Variants in DLG2 observed in about 807,000 individuals in gnomAD.
DLG2 encodes discs large MAGUK scaffold protein 2.
In DLG2, 45 loss-of-function variants were observed where a neutral mutation model predicts 132.5. The ratio of observed to expected loss-of-function variants is 0.34; its 90% confidence interval spans 0.27 to 0.44. The LOEUF is 0.44. DLG2 is among the 20% of genes least tolerant of loss of function. The probability of loss-of-function intolerance (pLI) is 1.00; values close to 1 mark genes in which losing one functional copy is unlikely to be tolerated. For missense variants in DLG2, 1,045 were observed against 1,196.9 expected (o/e 0.87, Z 1.87); for synonymous variants, 424 against 419.6 (o/e 1.01, Z -0.13).
chr11:83,873,606 C>T (rs2063915853), intron 16 of DLG2, among the ~76,000 whole-genome samples: 2 of 152,346 alleles, frequency 1.3e-5, no homozygotes, highest in South Asian at 4.1e-4. Flanking sequence ...TTGTTAATTG[C>T]TCAGGCTCAG....
chr11:85,064,951 A>T (rs2064684238), intron 6 of DLG2, among the ~76,000 whole-genome samples: 1 of 151,526 alleles, frequency 6.6e-6, no homozygotes, highest in Non-Finnish European at 1.5e-5. Context: ...AAGGTGAAAA[A>T]TATTTTTATG....
intron 15 of DLG2, among the ~76,000 whole-genome samples, chr11:83,925,276 C>T (rs958234685): frequency 1.3e-5 from 2 of 152,140 alleles, no homozygotes; most frequent in Non-Finnish European, 1.5e-5. Flanking sequence ...TGCTTTGCTT[C>T]TGTGTACAGG....
intron 6 of DLG2, among the ~76,000 whole-genome samples, chr11:84,734,111 G>T (rs1021242014): frequency 2.3e-4 from 35 of 152,126 alleles, no homozygotes; most frequent in Non-Finnish European, 4.4e-5. Context: ...GGATTGATTT[G>T]GCAATGCGGG....
intron 10 of DLG2, among the ~76,000 whole-genome samples, chr11:84,061,507 G>C (rs997927060): frequency 5.3e-5 from 8 of 152,120 alleles, no homozygotes; most frequent in Admixed American, 5.2e-4. Flanking sequence ...GCAGAGATTG[G>C]ATTTGATTTC....
At chr11:85,035,695 A>G (rs1593042290) in intron 6 of DLG2, among the ~76,000 whole-genome samples, 4 of 152,314 alleles carry the variant, frequency 2.6e-5, no homozygotes, top group Middle Eastern at 3.4e-3. Context: ...TACTATCTTT[A>G]GTAATTTACA....
At chr11:83,894,956 T>C (rs953779755) in intron 15 of DLG2, among the ~76,000 whole-genome samples, 5 of 149,636 alleles carry the variant, frequency 3.3e-5, no homozygotes, top group Non-Finnish European at 6.0e-5. Context: ...TCCATGTTGT[T>C]GCAAATGACA....
intron 18 of DLG2, among the ~76,000 whole-genome samples, chr11:83,698,484 A>G (rs1462808176): frequency 6.6e-6 from 1 of 152,210 alleles, no homozygotes; most frequent in Non-Finnish European, 1.5e-5. Context: ...GACATTTGGT[A>G]TCATGGGTTT....
intron 19 of DLG2, among the ~76,000 whole-genome samples, chr11:83,569,615 G>A (rs972847136): frequency 7.9e-5 from 12 of 152,174 alleles, no homozygotes; most frequent in Admixed American, 6.6e-5. Context: ...ATTGTTCCAG[G>A]ATATGATGCC....
chr11:84,657,423 T>C (rs1460051959), intron 6 of DLG2, among the ~76,000 whole-genome samples: 7 of 152,126 alleles, frequency 4.6e-5, no homozygotes, highest in African/African-American at 4.8e-5. Flanking sequence ...TAGAACATTC[T>C]TTTTATGAGA....
At chr11:83,795,193 C>G (rs2042480616) in intron 17 of DLG2, among the ~76,000 whole-genome samples, 1 of 152,012 alleles carries the variant, frequency 6.6e-6, no homozygotes, top group African/African-American at 2.4e-5. Context: ...ATCATAAGGT[C>G]AGGAGATTGA....
chr11:84,735,076 C>T (rs996070038), intron 6 of DLG2, among the ~76,000 whole-genome samples: 2 of 152,112 alleles, frequency 1.3e-5, no homozygotes, highest in Non-Finnish European at 2.9e-5. Flanking sequence ...CAATGTTCAT[C>T]AGGGATATTG....
chr11:84,808,218 T>C (rs2076207101), intron 6 of DLG2, among the ~76,000 whole-genome samples: 1 of 151,930 alleles, frequency 6.6e-6, no homozygotes. Flanking sequence ...CTAAAAACCA[T>C]ACTACTAAAT....
At chr11:85,433,154 G>C (rs1431947633) in intron 3 of DLG2, among the ~76,000 whole-genome samples, 1 of 152,114 alleles carries the variant, frequency 6.6e-6, no homozygotes, top group Non-Finnish European at 1.5e-5. Flanking sequence ...CTTTGTAAAA[G>C]CTCCTGAAGG....
At chr11:84,497,199 C>T (rs1287606415) in intron 7 of DLG2, among the ~76,000 whole-genome samples, 1 of 152,140 alleles carries the variant, frequency 6.6e-6, no homozygotes, top group East Asian at 1.9e-4. Flanking sequence ...CCTCCCTCTT[C>T]CCATAGGAGA....
At chr11:84,075,264 T>C (rs971570529) in intron 10 of DLG2, among the ~76,000 whole-genome samples, 2 of 152,206 alleles carry the variant, frequency 1.3e-5, no homozygotes, top group African/African-American at 4.8e-5. Flanking sequence ...TATGATATTT[T>C]GTGTAGTTGT....
chr11:83,788,268 C>T (rs372604720), intron 17 of DLG2, among the ~76,000 whole-genome samples: 17 of 152,320 alleles, frequency 1.1e-4, no homozygotes, highest in African/African-American at 4.1e-4. Flanking sequence ...ATGATCCTCT[C>T]ATAATAACTT....
At chr11:85,117,664 A>C (rs2073816519) in intron 5 of DLG2, among the ~76,000 whole-genome samples, 1 of 151,832 alleles carries the variant, frequency 6.6e-6, no homozygotes, top group Admixed American at 6.6e-5. Context: ...ACTAGTAAAA[A>C]AAAAAATGAA....
intron 11 of DLG2, among the ~76,000 whole-genome samples, chr11:84,031,531 G>A (rs1295851994): frequency 1.3e-5 from 2 of 152,120 alleles, no homozygotes; most frequent in African/African-American, 4.8e-5. Context: ...AAACAATGAA[G>A]TTGGTTTCTG....
chr11:83,757,587 TG>T (rs2153748367), intron 18 of DLG2, among the ~76,000 whole-genome samples: 1 of 152,278 alleles, frequency 6.6e-6, no homozygotes, highest in African/African-American at 2.4e-5. Context: ...TTTCAGAGAC[TG>T]GGGGCAAAGG....
Sources: gnomAD v4.1 joint callset for allele counts (sites outside exome capture counted in the v4.1 genomes callset) on GRCh38, gnomAD v4.1.1 for gene constraint, MANE v1.5 for transcripts, NCBI Gene and HGNC (gene_info 2026-07-23, HGNC 2026-07-21) for gene names.